AKR1C8: variants seen among roughly 807,000 people sequenced by gnomAD.
The protein encoded by AKR1C8 is aldo-keto reductase family 1 member C8.
At chr10:5,158,807 T>C in the AKR1C8 span, 2 of 449,582 alleles carry the variant, frequency 4.4e-6, no homozygotes, top group Non-Finnish European at 9.0e-6. Context: ...ACTACATTAA[T>C]AGATGTACTA....
At chr10:5,158,812 G>A in the AKR1C8 span, 2 of 424,394 alleles carry the variant, frequency 4.7e-6, no homozygotes, top group Non-Finnish European at 9.4e-6. Flanking sequence ...ATTAATAGAT[G>A]TACTATACTT....
the AKR1C8 span, chr10:5,160,756 T>TC: frequency 2.2e-6 from 1 of 460,844 alleles, no homozygotes; most frequent in South Asian, 1.6e-5. Context: ...TGACCCCTCC[T>TC]CCTGCAATTC....
the AKR1C8 span, chr10:5,155,787 C>T: frequency 8.7e-6 from 4 of 461,740 alleles, no homozygotes; most frequent in Non-Finnish European, 1.8e-5. Flanking sequence ...CACATTAACC[C>T]CTCCCCAGGG....
the AKR1C8 span, among the ~76,000 whole-genome samples, chr10:5,183,989 T>C: frequency 6.6e-6 from 1 of 152,202 alleles, no homozygotes; most frequent in African/African-American, 2.4e-5. Context: ...TATGGTGGGC[T>C]CCAGTGGGCT....
chr10:5,150,596 T>C, the AKR1C8 span, among the ~76,000 whole-genome samples: 1 of 152,116 alleles, frequency 6.6e-6, no homozygotes, highest in Non-Finnish European at 1.5e-5. Context: ...TGAAAGTTAA[T>C]GAGGTAAAAA....
At chr10:5,132,826 G>T in the AKR1C8 span, 3 of 737,636 alleles carry the variant, frequency 4.1e-6, no homozygotes, top group Non-Finnish European at 6.4e-6. Flanking sequence ...AGGTAGTTCA[G>T]GCACAAACAA....
the AKR1C8 span, among the ~76,000 whole-genome samples, chr10:5,127,363 G>C: frequency 6.6e-6 from 1 of 152,068 alleles, no homozygotes; most frequent in Non-Finnish European, 1.5e-5. Flanking sequence ...ACTAGAACAA[G>C]TAAAGGAAAG....
At chr10:5,180,059 A>G in the AKR1C8 span, among the ~76,000 whole-genome samples, 2 of 152,126 alleles carry the variant, frequency 1.3e-5, no homozygotes, top group Non-Finnish European at 2.9e-5. Context: ...TCTGCTTTTT[A>G]GAGTTTCCAG....
chr10:5,181,289 A>T, the AKR1C8 span, among the ~76,000 whole-genome samples: 1 of 152,244 alleles, frequency 6.6e-6, no homozygotes, highest in South Asian at 2.1e-4. Context: ...CATTAATAAA[A>T]AACTAATAAA....
the AKR1C8 span, among the ~76,000 whole-genome samples, chr10:5,156,068 T>C: frequency 1.3e-5 from 2 of 152,128 alleles, no homozygotes; most frequent in Non-Finnish European, 2.9e-5. Context: ...TATTTTAAAA[T>C]AGAAAATAAA....
the AKR1C8 span, among the ~76,000 whole-genome samples, chr10:5,143,675 G>A: frequency 8.8e-5 from 13 of 148,162 alleles, no homozygotes; most frequent in Non-Finnish European, 1.3e-4. Flanking sequence ...GTAAACATAT[G>A]GATCTAACAT....
chr10:5,122,353 C>T, the AKR1C8 span, among the ~76,000 whole-genome samples: 10 of 152,166 alleles, frequency 6.6e-5, no homozygotes, highest in African/African-American at 2.2e-4. Flanking sequence ...TCCATCCCAC[C>T]CCTCTTCTAT....
At chr10:5,181,766 A>G in the AKR1C8 span, among the ~76,000 whole-genome samples, 1 of 152,234 alleles carries the variant, frequency 6.6e-6, no homozygotes, top group Non-Finnish European at 1.5e-5. Context: ...GAAATAACCA[A>G]ATTACTTTGT....
chr10:5,179,948 T>A, the AKR1C8 span, among the ~76,000 whole-genome samples: 1 of 152,250 alleles, frequency 6.6e-6, no homozygotes, highest in African/African-American at 2.4e-5. Context: ...AGTAGTTTGA[T>A]CATCTGAAGC....
the AKR1C8 span, among the ~76,000 whole-genome samples, chr10:5,132,344 G>A: frequency 6.6e-5 from 10 of 152,198 alleles, no homozygotes; most frequent in Admixed American, 1.3e-4. Flanking sequence ...AAAAATGAGC[G>A]CATAAAAAAT....
the AKR1C8 span, among the ~76,000 whole-genome samples, chr10:5,184,640 C>T: frequency 0.011 from 1,683 of 152,124 alleles, 19 homozygotes; most frequent in Non-Finnish European, 0.017. Flanking sequence ...ATTTTTAAAA[C>T]GTAACAAATT....
the AKR1C8 span, among the ~76,000 whole-genome samples, chr10:5,125,606 C>T: frequency 1.3e-5 from 2 of 152,156 alleles, no homozygotes; most frequent in Non-Finnish European, 2.9e-5. Flanking sequence ...TGTTTGTAAT[C>T]TCAGCTGTCC....
chr10:5,175,380 G>A, the AKR1C8 span, among the ~76,000 whole-genome samples: 3 of 151,968 alleles, frequency 2.0e-5, no homozygotes, highest in Admixed American at 2.0e-4. Context: ...TATCATTGTT[G>A]GACATTTGGG....
chr10:5,184,298 T>G, the AKR1C8 span, among the ~76,000 whole-genome samples: 1 of 152,210 alleles, frequency 6.6e-6, no homozygotes. Context: ...TTATTAAACT[T>G]TCACTCCAAC....
Sources: gnomAD v4.1 joint callset for allele counts (sites outside exome capture counted in the v4.1 genomes callset) on GRCh38, gnomAD v4.1.1 for gene constraint, MANE v1.5 for transcripts, NCBI Gene and HGNC (gene_info 2026-07-23, HGNC 2026-07-21) for gene names.